COL5A2: variants seen among roughly 807,000 people sequenced by gnomAD.
COL5A2 encodes the protein collagen alpha-2(V) chain.
A neutral mutation model predicts 208.2 loss-of-function variants in COL5A2; 23 were observed. The observed-to-expected ratio is 0.11, with a 90% CI of 0.08 to 0.16. COL5A2 has a LOEUF of 0.16. Among genes scored for constraint, COL5A2 ranks in the 10% least tolerant of loss-of-function variants. The pLI is 1.00. For synonymous variants in COL5A2, 625 were observed against 628.5 expected (o/e 0.99, Z 0.08); for missense variants, 1,590 against 1,956.4 (o/e 0.81, Z 3.53).
At chr2:189,157,705 G>A (rs1486100458) in intron 1 of COL5A2, among the ~76,000 whole-genome samples, 1 of 151,958 alleles carries the variant, frequency 6.6e-6, no homozygotes, top group African/African-American at 2.4e-5. Context: ...TAAATGTTTT[G>A]TGGTATTCTT....
intron 1 of COL5A2, among the ~76,000 whole-genome samples, chr2:189,165,673 G>A (rs758948007): frequency 1.3e-5 from 2 of 152,180 alleles, no homozygotes; most frequent in Non-Finnish European, 2.9e-5. Context: ...AAGGTCACAA[G>A]GTTAGCAAAC....
At chr2:189,208,493 G>A (rs576626616) in intron 1 of COL5A2, among the ~76,000 whole-genome samples, 3 of 152,314 alleles carry the variant, frequency 2.0e-5, no homozygotes, top group Admixed American at 2.0e-4. Flanking sequence ...CAAAACAATG[G>A]AGGGATGAAA....
chr2:189,279,955 G>T, the COL5A2 span, among the ~76,000 whole-genome samples: 1 of 152,024 alleles, frequency 6.6e-6, no homozygotes, highest in South Asian at 2.1e-4. Context: ...AGGTCATGAG[G>T]GTGGAGCCCT....
chr2:189,243,492 T>C, the COL5A2 span, among the ~76,000 whole-genome samples: 1 of 152,150 alleles, frequency 6.6e-6, no homozygotes, highest in Non-Finnish European at 1.5e-5. Context: ...TCATCAGAGC[T>C]GGTAAGACTT....
intron 1 of COL5A2, among the ~76,000 whole-genome samples, chr2:189,117,256 C>T (rs1687410005): frequency 6.6e-6 from 1 of 152,148 alleles, no homozygotes; most frequent in Admixed American, 6.6e-5. Context: ...ATGCATTTGA[C>T]ATAGATTTTT....
At chr2:189,225,483 G>C (rs1213576457), upstream of COL5A2, among the ~76,000 whole-genome samples, 1 of 152,080 alleles carries the variant, frequency 6.6e-6, no homozygotes, top group Non-Finnish European at 1.5e-5. Context: ...TTCACAGTCA[G>C]ACTCTCAGGG....
the COL5A2 span, among the ~76,000 whole-genome samples, chr2:189,261,093 C>A: frequency 1.3e-5 from 2 of 152,064 alleles, no homozygotes; most frequent in Non-Finnish European, 2.9e-5. Flanking sequence ...TTCACCCAAA[C>A]TTTTCCATAA....
intron 1 of COL5A2, among the ~76,000 whole-genome samples, chr2:189,127,239 G>A (rs1376064904): frequency 2.0e-5 from 3 of 152,182 alleles, no homozygotes; most frequent in East Asian, 1.9e-4. Context: ...AAGGGACAGG[G>A]TTGGAAAAAA....
intron 2 of COL5A2, among the ~76,000 whole-genome samples, chr2:189,109,539 A>C (rs1156466426): frequency 6.6e-6 from 1 of 152,188 alleles, no homozygotes; most frequent in African/African-American, 2.4e-5. Context: ...AATAACCTGA[A>C]GGTTTAATAT....
chr2:189,319,118 A>T, the COL5A2 span, among the ~76,000 whole-genome samples: 1 of 152,256 alleles, frequency 6.6e-6, no homozygotes, highest in Non-Finnish European at 1.5e-5. Context: ...ACAAACATGG[A>T]TATGGCATGA....
chr2:189,394,039 C>A, the COL5A2 span, among the ~76,000 whole-genome samples: 1 of 152,118 alleles, frequency 6.6e-6, no homozygotes, highest in Non-Finnish European at 1.5e-5. Context: ...TGAGGCCTCA[C>A]CTTGAGCATA....
At chr2:189,136,680 T>C (rs1481624551) in intron 1 of COL5A2, among the ~76,000 whole-genome samples, 1 of 151,502 alleles carries the variant, frequency 6.6e-6, no homozygotes, top group Non-Finnish European at 1.5e-5. Context: ...AAACCTGATC[T>C]TTCTATACTT....
chr2:189,347,949 A>G, the COL5A2 span, among the ~76,000 whole-genome samples: 1 of 152,204 alleles, frequency 6.6e-6, no homozygotes, highest in Non-Finnish European at 1.5e-5. Flanking sequence ...GTTGTTAGCA[A>G]GCATAAGCAT....
chr2:189,236,805 A>G, the COL5A2 span, among the ~76,000 whole-genome samples: 4 of 152,002 alleles, frequency 2.6e-5, no homozygotes, highest in Middle Eastern at 6.8e-3. Context: ...TGTCAAATAC[A>G]TGACAAATAA....
intron 1 of COL5A2, among the ~76,000 whole-genome samples, chr2:189,164,402 AT>A (rs1206216361): frequency 2.9e-4 from 43 of 146,772 alleles, no homozygotes; most frequent in Admixed American, 4.1e-4. Flanking sequence ...CTCTATTCTT[AT>A]TTTTTTTTTT....
At chr2:189,125,603 A>G (rs570292171) in intron 1 of COL5A2, among the ~76,000 whole-genome samples, 1 of 152,286 alleles carries the variant, frequency 6.6e-6, no homozygotes, top group East Asian at 1.9e-4. Context: ...AATCATAAAT[A>G]TATTTTCCCT....
chr2:189,285,298 G>A, the COL5A2 span, among the ~76,000 whole-genome samples: 1 of 151,784 alleles, frequency 6.6e-6, no homozygotes, highest in Non-Finnish European at 1.5e-5. Context: ...TTTCCCCAAG[G>A]CTCGACAAAT....
At chr2:189,187,903 A>C (rs550131163) in intron 1 of COL5A2, among the ~76,000 whole-genome samples, 5 of 151,532 alleles carry the variant, frequency 3.3e-5, no homozygotes, top group African/African-American at 1.2e-4. Flanking sequence ...CGGGAGGCGG[A>C]GCTTGCAGTG....
chr2:189,063,335 A>G, intron 26 of COL5A2, 65 bp from the exon 27 acceptor site: 2 of 1,286,752 alleles, frequency 1.6e-6, no homozygotes, highest in African/African-American at 2.9e-5. Flanking sequence ...CATCACCCAA[A>G]GTGTCACCTT....
Sources: allele counts gnomAD v4.1 joint callset (sites outside exome capture counted in the v4.1 genomes callset), GRCh38; gene constraint gnomAD v4.1.1; transcripts MANE v1.5; gene names NCBI Gene and HGNC (gene_info 2026-07-23, HGNC 2026-07-21).